HIRA: variants seen among roughly 807,000 people sequenced by gnomAD.
The protein encoded by HIRA is histone cell cycle regulator.
HIRA carries 13 observed loss-of-function variants against 126.6 expected under a neutral mutation model. The ratio of observed to expected loss-of-function variants is 0.10; its 90% confidence interval spans 0.07 to 0.16. HIRA has a LOEUF of 0.16. Ranked by LOEUF, HIRA falls within the 10% of genes least tolerant of loss-of-function variation. The pLI is 1.00. For synonymous variants in HIRA, 511 were observed against 520.0 expected, an observed-to-expected ratio of 0.98 and a Z score of 0.24; for missense variants, 834 against 1,314.4, an observed-to-expected ratio of 0.63 and a Z score of 5.65.
chr22:19,391,358 G>T (rs903252159), intron 9 of HIRA, among the ~76,000 whole-genome samples: 16 of 152,174 alleles, frequency 1.1e-4, no homozygotes, highest in African/African-American at 3.9e-4. Flanking sequence ...GTCTTGACTG[G>T]GGAGGGACAA....
chr22:19,417,056 C>T (rs1454024394), intron 1 of HIRA, among the ~76,000 whole-genome samples: 2 of 150,464 alleles, frequency 1.3e-5, no homozygotes, highest in African/African-American at 2.4e-5. Context: ...AAAAATTAGC[C>T]AAGCGTGGTG....
At chr22:19,427,135 A>C (rs2089494584) in intron 1 of HIRA, among the ~76,000 whole-genome samples, 1 of 152,184 alleles carries the variant, frequency 6.6e-6, no homozygotes, top group Non-Finnish European at 1.5e-5. Context: ...ATAATTCTCC[A>C]TGAGTGGGCT....
chr22:19,427,044 G>A (rs1324642674), intron 1 of HIRA, among the ~76,000 whole-genome samples: 1 of 152,208 alleles, frequency 6.6e-6, no homozygotes, highest in East Asian at 1.9e-4. Flanking sequence ...AGTCGGAACT[G>A]TAAGACAAAT....
At chr22:19,359,194 G>T (rs573566781) in intron 18 of HIRA, 142 bp downstream of exon 18, 10 of 808,294 alleles carry the variant, frequency 1.2e-5, no homozygotes, top group Non-Finnish European at 1.8e-5. Context: ...ACATATGCTT[G>T]GCCTGGAGTG....
chr22:19,423,503 A>G (rs2089465064), intron 1 of HIRA, among the ~76,000 whole-genome samples: 1 of 122,258 alleles, frequency 8.2e-6, no homozygotes, highest in Admixed American at 8.5e-5. Context: ...ACACACACAC[A>G]CACACACACA....
intron 24 of HIRA, among the ~76,000 whole-genome samples, chr22:19,340,026 C>A (rs2088609398): frequency 6.6e-6 from 1 of 152,100 alleles, no homozygotes; most frequent in African/African-American, 2.4e-5. Context: ...CTCTATGAAG[C>A]CAGTATCACC....
At chr22:19,431,398 C>G (rs757874990) in intron 1 of HIRA, 42 bp downstream of exon 1, 3 of 1,601,970 alleles carry the variant, frequency 1.9e-6, no homozygotes, top group African/African-American at 1.3e-5. Flanking sequence ...GACCCCGACC[C>G]GACTCCGGGC....
intron 24 of HIRA, among the ~76,000 whole-genome samples, chr22:19,334,273 C>A (rs1965887109): frequency 6.6e-6 from 1 of 151,234 alleles, no homozygotes; most frequent in Non-Finnish European, 1.5e-5. Context: ...CTGCACCCGG[C>A]CCTCATTTTC....
At chr22:19,390,789 T>C (rs1451625594) in intron 9 of HIRA, among the ~76,000 whole-genome samples, 3 of 151,900 alleles carry the variant, frequency 2.0e-5, no homozygotes, top group East Asian at 1.9e-4. Context: ...TCTGTCTTGG[T>C]TGTATGCCTA....
chr22:19,389,436 T>C (rs540390698), intron 9 of HIRA, among the ~76,000 whole-genome samples: 1 of 152,250 alleles, frequency 6.6e-6, no homozygotes, highest in African/African-American at 2.4e-5. Context: ...CACGGGATGG[T>C]GGGCTCCCAT....
chr22:19,403,434 C>T (rs1051948135), intron 5 of HIRA, among the ~76,000 whole-genome samples: 1 of 151,970 alleles, frequency 6.6e-6, no homozygotes, highest in African/African-American at 2.4e-5. Flanking sequence ...ACAGTGAAAC[C>T]CTGTCTCTAC....
At chr22:19,407,969 T>C (rs893903666) in intron 3 of HIRA, among the ~76,000 whole-genome samples, 1 of 152,112 alleles carries the variant, frequency 6.6e-6, no homozygotes, top group African/African-American at 2.4e-5. Flanking sequence ...GAGAGGCATG[T>C]TGAGAGGACA....
chr22:19,356,037 T>C (rs192384725), intron 20 of HIRA, among the ~76,000 whole-genome samples, 172 bp from the exon 21 acceptor site: 2 of 152,316 alleles, frequency 1.3e-5, no homozygotes, highest in Admixed American at 1.3e-4. Flanking sequence ...CACCAGGCTT[T>C]TGTCACCTCT....
At chr22:19,390,601 C>CAAAAAAAA (rs575050947) in intron 9 of HIRA, among the ~76,000 whole-genome samples, 786 of 38,298 alleles carry the variant, frequency 0.021, 144 homozygotes, top group South Asian at 0.036. Context: ...GACTCTGTCT[C>CAAAAAAAA]AAAAAAAAAA....
chr22:19,340,361 A>C (rs1311512911), intron 24 of HIRA, among the ~76,000 whole-genome samples: 1 of 152,128 alleles, frequency 6.6e-6, no homozygotes, highest in Non-Finnish European at 1.5e-5. Context: ...CATAGAATGG[A>C]AATACCTCAA....
At chr22:19,392,349 T>C (rs1243893865) in intron 8 of HIRA, 135 bp from the exon 9 acceptor site, 15 of 551,594 alleles carry the variant, frequency 2.7e-5, no homozygotes, top group African/African-American at 2.6e-4. Flanking sequence ...CATTTCATCT[T>C]CCCGACCACC....
rs763118383 is a variant in HIRA, at chr22:19,407,309, A to T, written c.212-35T>A. On this transcript the variant is annotated intron_variant, in intron 3 of 24. Coordinates refer to ENST00000263208, the MANE Select transcript of HIRA (RefSeq NM_003325.4). ...AAAAAAAATAAGGTGATGAAAATCCAGTAGTCATGCCCATTTGCTTTATGT... is the reference window on the plus strand; with the variant it reads ...AAAAAAAATAAGGTGATGAAAATCCTGTAGTCATGCCCATTTGCTTTATGT... 3.3e-6 allele frequency: 5 copies of T among 1,521,554 alleles called. No homozygotes were observed. In the Admixed American group the frequency reaches 5.0e-5, roughly 15 times the overall value. 94.3% of individuals were successfully genotyped at this position (1,521,554 alleles called of 1,614,324 possible).
intron 18 of HIRA, 55 bp from the exon 19 acceptor site, chr22:19,357,106 C>T: frequency 6.3e-7 from 1 of 1,593,874 alleles, no homozygotes; most frequent in South Asian, 1.1e-5. Context: ...GCAGCCAAGA[C>T]AGTAGCCCTG....
At chr22:19,413,983 T>A (rs547572284) in intron 1 of HIRA, among the ~76,000 whole-genome samples, 1 of 152,090 alleles carries the variant, frequency 6.6e-6, no homozygotes, top group African/African-American at 2.4e-5. Flanking sequence ...GCTGAGCTAG[T>A]TAGACAACTC....
Sources: allele counts gnomAD v4.1 joint callset (sites outside exome capture counted in the v4.1 genomes callset), GRCh38; gene constraint gnomAD v4.1.1; transcripts MANE v1.5; gene names NCBI Gene and HGNC (gene_info 2026-07-23, HGNC 2026-07-21).